ATF6: variants seen among roughly 807,000 people sequenced by gnomAD.
ATF6 encodes the protein cyclic AMP-dependent transcription factor ATF-6 alpha.
In ATF6, 53 loss-of-function variants were observed where a neutral mutation model predicts 83.6. The ratio of observed to expected loss-of-function variants is 0.63; its 90% CI spans 0.51 to 0.80. The LOEUF is 0.80. Among genes scored for constraint, ATF6 ranks in the 30% least tolerant of loss-of-function variants. ATF6 has a pLI of 0.00. For missense variants in ATF6, 744 were observed against 797.9 expected (o/e 0.93, Z 0.81); for synonymous variants, 288 against 285.8 (o/e 1.01, Z -0.08).
intron 14 of ATF6, among the ~76,000 whole-genome samples, chr1:161,888,599 A>G (rs979630972): frequency 3.3e-5 from 5 of 152,156 alleles, no homozygotes; most frequent in Non-Finnish European, 5.9e-5. Context: ...TCATTTCTCT[A>G]TATCCAAAAC....
At chr1:161,831,976 G>A (rs903347642) in intron 9 of ATF6, among the ~76,000 whole-genome samples, 24 of 149,614 alleles carry the variant, frequency 1.6e-4, no homozygotes, top group Non-Finnish European at 2.8e-4. Context: ...AATTTCCAGA[G>A]ATACAGAGCC....
chr1:161,863,240 C>G lies in ATF6; in HGVS notation c.1647C>G (p.Pro549=). ...GSELQVYYAS[P]RSYQDFFEAI... The stretch of plus-strand genomic sequence containing the variant: ...AGCTACAAGTGTATTATGCTTCACC[C>G]AGAAGTTATCAAGACTTTTTTGAAG... Residue 549 remains proline, a synonymous_variant, in exon 14 of 16, where the codon CCC becomes CCG. Transcript: ENST00000367942. 1.2e-6 allele frequency: 2 copies of G among 1,613,064 alleles called. No homozygotes were observed. The highest frequency in any genetic ancestry group is 1.7e-6 in the Non-Finnish European group (2 of 1,179,234).
chr1:161,884,541 TA>T (rs1421640315), intron 14 of ATF6, among the ~76,000 whole-genome samples: 1 of 152,116 alleles, frequency 6.6e-6, no homozygotes, highest in Non-Finnish European at 1.5e-5. Flanking sequence ...AAAGCTCTTC[TA>T]ACTGTAATTA....
chr1:161,940,311 C>T (rs956342407), intron 15 of ATF6, among the ~76,000 whole-genome samples: 1 of 152,204 alleles, frequency 6.6e-6, no homozygotes, highest in African/African-American at 2.4e-5. Context: ...CTGTTTCTTA[C>T]TTCCTTAAAA....
intron 9 of ATF6, among the ~76,000 whole-genome samples, chr1:161,825,005 G>A (rs1571164190): frequency 6.6e-6 from 1 of 152,128 alleles, no homozygotes; most frequent in Non-Finnish European, 1.5e-5. Context: ...TCTACACTGA[G>A]CAATTCTCCA....
At chr1:161,833,432 A>G (rs1254006556) in intron 9 of ATF6, among the ~76,000 whole-genome samples, 1 of 152,204 alleles carries the variant, frequency 6.6e-6, no homozygotes, top group Non-Finnish European at 1.5e-5. Context: ...TGAGAGAAGA[A>G]GGCTTCAGAA....
chr1:161,874,858 T>C (rs1053094697), intron 14 of ATF6, among the ~76,000 whole-genome samples: 31 of 151,844 alleles, frequency 2.0e-4, no homozygotes, highest in Admixed American at 6.6e-4. Context: ...TTCTGATGTA[T>C]GTAGGTATGT....
intron 7 of ATF6, among the ~76,000 whole-genome samples, chr1:161,815,172 A>G (rs1685583516): frequency 6.6e-6 from 1 of 150,658 alleles, no homozygotes; most frequent in Admixed American, 6.7e-5. Context: ...TTAGCATAAA[A>G]ATCCCATTTT....
In ATF6 at chr1:161,853,276, A is replaced by G. The variant is rs758786421; in HGVS notation, c.1486A>G (p.Lys496Glu). Residue 496 changes from lysine to glutamate, a missense_variant, in exon 12 of 16, where the codon AAG becomes GAG. Physicochemically the swap from Lys to Glu is moderately conservative, Grantham distance 56. Transcript: ENST00000367942. ...WVHRHEVERT[K>E]SRRMTNNQQK... ...TCATAGACATGAAGTAGAAAGGACC[A>G]AGTCAAGAAGAATGACAAATAATCA... 2 of 1,613,976 alleles carry G rather than the reference A, an allele frequency of 1.2e-6. No homozygotes were observed. Among genetic ancestry groups the G allele is most frequent in the South Asian group, 2.2e-5 (2 of 91,070 alleles).
intron 14 of ATF6, among the ~76,000 whole-genome samples, chr1:161,873,933 A>G (rs1022350531): frequency 4.6e-5 from 7 of 151,724 alleles, no homozygotes; most frequent in African/African-American, 1.7e-4. Context: ...GTTTGACACT[A>G]TATTCTAAAT....
In ATF6 at chr1:161,781,910, A is replaced by AG. The variant is rs1553227755; in HGVS notation, c.160dup. 1.3e-6 allele frequency: 2 copies of AG among 1,598,134 alleles called. No homozygotes were observed. Among genetic ancestry groups the AG allele is most frequent in the Non-Finnish European group, 1.7e-6 (2 of 1,170,046 alleles). ...ATTCTTTTGCTGATTTGAAACCTAC[A>AG]GGAAAACAATTTTGATAATCTTGAT... On this transcript the variant is annotated splice_acceptor_variant, in intron 2 of 15. Transcript: ENST00000367942. LOFTEE classifies it high-confidence loss of function.
intron 15 of ATF6, among the ~76,000 whole-genome samples, chr1:161,933,129 A>T (rs1688466478): frequency 1.3e-5 from 2 of 152,240 alleles, no homozygotes; most frequent in African/African-American, 4.8e-5. Context: ...TACCAAGGGT[A>T]TGAACACCAA....
At chr1:161,829,096 A>G (rs1450849535) in intron 9 of ATF6, among the ~76,000 whole-genome samples, 1 of 151,980 alleles carries the variant, frequency 6.6e-6, no homozygotes, top group African/African-American at 2.4e-5. Flanking sequence ...TCGTAAATAT[A>G]TATGCATCCA....
intron 9 of ATF6, among the ~76,000 whole-genome samples, chr1:161,828,050 T>C (rs1040613765): frequency 3.3e-5 from 5 of 152,202 alleles, no homozygotes; most frequent in African/African-American, 7.2e-5. Flanking sequence ...TTATTACTCA[T>C]TGGGGTTAAT....
chr1:161,822,419 T>A (rs1362887950), intron 9 of ATF6, among the ~76,000 whole-genome samples: 1 of 152,224 alleles, frequency 6.6e-6, no homozygotes, highest in African/African-American at 2.4e-5. Context: ...TGTAGAAAGC[T>A]GAATTTGGCA....
At chr1:161,777,233 G>A (rs1684536517) in intron 1 of ATF6, among the ~76,000 whole-genome samples, 1 of 152,162 alleles carries the variant, frequency 6.6e-6, no homozygotes, top group South Asian at 2.1e-4. Flanking sequence ...CTTTAAAGGA[G>A]TTTCAGCCTA....
rs540400674 is a variant in ATF6 at position 161,803,121 on chromosome 1, G to A, written c.909+849G>A. ...ACTTCATCCTTTCTTTAGGTAGAAT[G>A]CATTTGAAAAGTAATTTTAAAATCC... On this transcript the variant is annotated intron_variant, in intron 7 of 15. Transcript: ENST00000367942. Among the ~76,000 whole-genome samples the A allele has an allele frequency of 5.3e-5, 8 of 152,256 alleles. No homozygotes were observed. In the East Asian group the frequency reaches 1.5e-3, roughly 29 times the overall value.
chr1:161,865,518 A>G (rs1009207099), intron 14 of ATF6, among the ~76,000 whole-genome samples: 1 of 152,194 alleles, frequency 6.6e-6, no homozygotes, highest in African/African-American at 2.4e-5. Context: ...TTTAAAAAAT[A>G]TATATGCATT....
At chr1:161,771,973 C>CATAA (rs924420259) in intron 1 of ATF6, among the ~76,000 whole-genome samples, 1 of 152,348 alleles carries the variant, frequency 6.6e-6, no homozygotes, top group African/African-American at 2.4e-5. Context: ...CTTTCCTGAT[C>CATAA]ATAAGCCTAA....
Sources: gnomAD v4.1 joint callset for allele counts (sites outside exome capture counted in the v4.1 genomes callset) on GRCh38, gnomAD v4.1.1 for gene constraint, MANE v1.5 for transcripts, NCBI Gene and HGNC (gene_info 2026-07-23, HGNC 2026-07-21) for gene names.